The following FAM124A variants were observed in gnomAD, a reference collection of about 807,000 sequenced individuals.
FAM124A encodes protein FAM124A.
A neutral mutation model predicts 24.5 loss-of-function variants in FAM124A; 23 were observed. The observed-to-expected ratio is 0.94, with a 90% confidence interval of 0.68 to 1.33. FAM124A has a LOEUF of 1.33. Among genes scored for constraint, FAM124A ranks in the 40% most tolerant of loss-of-function variants. The pLI is 0.00. For synonymous variants in FAM124A, 287 were observed against 314.7 expected (o/e 0.91, Z 0.93); for missense variants, 623 against 722.8 (o/e 0.86, Z 1.58).
intron 1 of FAM124A, among the ~76,000 whole-genome samples, chr13:51,224,191 A>G (rs1198191294): frequency 6.6e-6 from 1 of 152,248 alleles, no homozygotes; most frequent in African/African-American, 2.4e-5. Context: ...ATTCTTGGCC[A>G]GGTGCGGTAG....
chr13:51,235,891 T>G (rs1327196261), intron 2 of FAM124A, among the ~76,000 whole-genome samples: 1 of 152,226 alleles, frequency 6.6e-6, no homozygotes, highest in Admixed American at 6.5e-5. Context: ...GATTTGAGCC[T>G]GGGAACATGT....
intron 2 of FAM124A, among the ~76,000 whole-genome samples, chr13:51,250,301 CTG>C (rs1161455174): frequency 1.3e-5 from 2 of 152,266 alleles, no homozygotes; most frequent in South Asian, 2.1e-4. Flanking sequence ...CTAGTGGACA[CTG>C]TGAGGCATGT....
chr13:51,260,303 C>T (rs1954721919), intron 3 of FAM124A, among the ~76,000 whole-genome samples: 1 of 152,114 alleles, frequency 6.6e-6, no homozygotes, highest in Non-Finnish European at 1.5e-5. Context: ...GTGAGAGAGC[C>T]CCGCTTCTCC....
intron 3 of FAM124A, among the ~76,000 whole-genome samples, chr13:51,279,638 G>A (rs1032138031): frequency 2.6e-5 from 4 of 152,084 alleles, no homozygotes; most frequent in Non-Finnish European, 5.9e-5. Flanking sequence ...CAACAGAAAC[G>A]GGTTACTGGT....
rs3045985 is a variant in FAM124A, at chr13:51,283,767, C to CAAAAAA, written c.*2534_*2539dup. On this transcript the variant is annotated 3_prime_UTR_variant, in exon 4 of 4. Transcript: ENST00000322475. ...TCATCAGTAACAAAAGTCAGTGAGG[C>CAAAAAA]AAAAAAAAAAAAAAAAAAAAAAAAA... 3.7e-4 allele frequency: 13 copies of CAAAAAA among 34,716 alleles called. 1 individual carries two copies. The highest frequency in any genetic ancestry group is 7.9e-4 in the African/African-American group (8 of 10,126). 2.2% of individuals were successfully genotyped at this position (34,716 alleles called of 1,614,324 possible).
At chr13:51,223,115 G>A (rs1166211279) in intron 1 of FAM124A, among the ~76,000 whole-genome samples, 1 of 151,974 alleles carries the variant, frequency 6.6e-6, no homozygotes, top group Non-Finnish European at 1.5e-5. Flanking sequence ...TCACCTCTAA[G>A]TGCACCTGTC....
At position 51,281,310 on chromosome 13, in the gene FAM124A, C is replaced by T. The variant is rs1010006932; in HGVS notation, c.*54C>T. On this transcript the variant is annotated 3_prime_UTR_variant, in exon 4 of 4. Transcript: ENST00000322475. The stretch of plus-strand genomic sequence containing the variant: ...ACAAACTCAGAGACACAGACTCAGG[C>T]CCCACTGCCCCTCTGGCCACTGAGC... The T allele has an allele frequency of 6.8e-7, 1 of 1,476,632 alleles. No individual in the cohort carries two copies. The highest frequency in any genetic ancestry group is 9.0e-7 in the Non-Finnish European group (1 of 1,108,132). The allele number at this position is 1,476,632 out of a possible 1,614,324, so 91.5% of individuals were successfully genotyped here. A position where few individuals can be genotyped will look rare whatever the true frequency, so the allele number is the denominator to read the frequency against.
Position 51,281,170 on chromosome 13 carries a change from A to G in FAM124A, c.1555A>G (p.Lys519Glu). Residue 519 changes from lysine (K) to glutamate (E), a missense_variant, in exon 4 of 4, where the codon AAA (lysine) becomes GAA (glutamate). Physicochemically the swap from Lys to Glu is moderately conservative, Grantham distance 56. Transcript: ENST00000322475. The part of the protein sequence containing the change: ...SSPQLPCDTP[K>E]VKQTDGDMPP... ...CCCACAGCTCCCATGCGATACCCCCAAAGTCAAGCAGACTGATGGAGACAT... is the reference window on the plus strand; with the variant it reads ...CCCACAGCTCCCATGCGATACCCCCGAAGTCAAGCAGACTGATGGAGACAT... 6 of 1,613,592 alleles carry G rather than the reference A, an allele frequency of 3.7e-6. No individual in the cohort carries two copies. Among genetic ancestry groups the G allele is most frequent in the Non-Finnish European group, 5.1e-6 (6 of 1,179,880 alleles).
intron 3 of FAM124A, among the ~76,000 whole-genome samples, chr13:51,257,325 GC>G (rs1452083611): frequency 6.6e-6 from 1 of 152,204 alleles, no homozygotes; most frequent in Non-Finnish European, 1.5e-5. Flanking sequence ...GCAGAGACTT[GC>G]TTTTTAGGGA....
intron 2 of FAM124A, among the ~76,000 whole-genome samples, chr13:51,234,129 A>G (rs2137652425): frequency 6.6e-6 from 1 of 152,312 alleles, no homozygotes; most frequent in East Asian, 1.9e-4. Context: ...ATTGAGAGTT[A>G]ATTCTAATCA....
At chr13:51,228,617 A>C (rs554943877) in intron 1 of FAM124A, among the ~76,000 whole-genome samples, 1 of 152,348 alleles carries the variant, frequency 6.6e-6, no homozygotes, top group Non-Finnish European at 1.5e-5. Flanking sequence ...TTGCCTAAAA[A>C]AAACTTGTCC....
intron 3 of FAM124A, among the ~76,000 whole-genome samples, chr13:51,268,045 AG>A (rs1191036287): frequency 3.3e-5 from 5 of 152,206 alleles, no homozygotes; most frequent in Non-Finnish European, 5.9e-5. Flanking sequence ...AGTGAGAGGA[AG>A]GGTGCTGACC....
intron 2 of FAM124A, among the ~76,000 whole-genome samples, chr13:51,237,443 A>G (rs1954446273): frequency 1.3e-5 from 2 of 152,338 alleles, no homozygotes; most frequent in South Asian, 2.1e-4. Flanking sequence ...TTTTTATTAC[A>G]TTTAAGACCA....
intron 2 of FAM124A, among the ~76,000 whole-genome samples, chr13:51,244,731 G>A (rs1954537029): frequency 6.6e-6 from 1 of 152,164 alleles, no homozygotes; most frequent in Admixed American, 6.5e-5. Flanking sequence ...GGTTGTGAGG[G>A]GCCCTGGCGC....
chr13:51,243,000 A>C (rs1171484309), intron 2 of FAM124A, among the ~76,000 whole-genome samples: 1 of 152,258 alleles, frequency 6.6e-6, no homozygotes, highest in Non-Finnish European at 1.5e-5. Flanking sequence ...ATTTCAGCCT[A>C]GGTTCAGTTC....
chr13:51,234,168 G>A (rs191738177), intron 2 of FAM124A, among the ~76,000 whole-genome samples: 70 of 152,272 alleles, frequency 4.6e-4, no homozygotes, highest in Non-Finnish European at 9.0e-4. Context: ...ATTTTTCTGC[G>A]TGTGCAAGTG....
chr13:51,231,292 C>A, intron 1 of FAM124A, 56 bp from the exon 2 acceptor site: 1 of 1,605,566 alleles, frequency 6.2e-7, no homozygotes, highest in Non-Finnish European at 8.5e-7. Flanking sequence ...AAAATTCTGG[C>A]TTGAATAAAT....
At chr13:51,270,240 G>A (rs1014797012) in intron 3 of FAM124A, among the ~76,000 whole-genome samples, 6 of 152,112 alleles carry the variant, frequency 3.9e-5, no homozygotes, top group African/African-American at 1.2e-4. Context: ...GACTACATAC[G>A]AGGTTGCTGC....
At chr13:51,240,719 A>C (rs1954481443) in intron 2 of FAM124A, among the ~76,000 whole-genome samples, 1 of 152,136 alleles carries the variant, frequency 6.6e-6, no homozygotes, top group Admixed American at 6.5e-5. Flanking sequence ...TCAGTCACCA[A>C]CTCAGACATA....
Sources: gnomAD v4.1 joint callset for allele counts (sites outside exome capture counted in the v4.1 genomes callset) on GRCh38, gnomAD v4.1.1 for gene constraint, MANE v1.5 for transcripts, NCBI Gene and HGNC (gene_info 2026-07-23, HGNC 2026-07-21) for gene names.